Variants in IL1RAPL2 observed in about 807,000 individuals in gnomAD.
The protein encoded by IL1RAPL2 is X-linked interleukin-1 receptor accessory protein-like 2.
A neutral mutation model predicts 44.1 loss-of-function variants in IL1RAPL2; 3 were observed. The ratio of observed to expected loss-of-function variants is 0.07; its 90% CI spans 0.03 to 0.18. The LOEUF is 0.18. Among genes scored for constraint, IL1RAPL2 ranks in the 10% least tolerant of loss-of-function variants. The probability of loss-of-function intolerance (pLI) is 1.00; values close to 1 mark genes in which losing one functional copy is unlikely to be tolerated. For synonymous variants in IL1RAPL2, 181 were observed against 178.8 expected, an observed-to-expected ratio of 1.01 and a Z score of -0.10; for missense variants, 391 against 496.4, an observed-to-expected ratio of 0.79 and a Z score of 2.02.
chrX:105,359,646 G>A (rs222600), intron 5 of IL1RAPL2, among the ~76,000 whole-genome samples: 1 of 110,406 alleles, frequency 9.1e-6, no homozygotes, highest in East Asian at 2.8e-4. Flanking sequence ...AATTACACTT[G>A]CAAATGGTGG....
rs774296024 is a variant in IL1RAPL2 at position 104,852,269 on chromosome X, A to C, written c.82+193274A>C. Among the ~76,000 whole-genome samples the C allele has an allele frequency of 4.5e-5, 5 of 112,344 alleles. No homozygotes were observed. In the South Asian group the frequency reaches 1.9e-3, roughly 42 times the overall value. ...GGAAGGCAAAGGTTTTAAAAGACAG[A>C]ATGAGGAGGATTACATAATTGTCTT... is the stretch of plus-strand genomic sequence containing the variant. On this transcript the variant is annotated intron_variant, in intron 2 of 10. Coordinates refer to ENST00000372582, the MANE Select transcript of IL1RAPL2 (RefSeq NM_017416.2).
intron 2 of IL1RAPL2, among the ~76,000 whole-genome samples, chrX:105,076,583 A>G (rs1052656221): frequency 8.2e-5 from 9 of 109,529 alleles, no homozygotes; most frequent in African/African-American, 2.3e-4. Context: ...GCTGAGTTCA[A>G]CTCCTGGATA....
chrX:104,585,247 G>A lies in IL1RAPL2; in HGVS notation c.-20+18196G>A, dbSNP rs192130003. Among the ~76,000 whole-genome samples the A allele has an allele frequency of 0.011, 227 of 20,634 alleles. 9 individuals carry two copies. In the East Asian group the frequency reaches 0.16, roughly 15 times the overall value. 17.9% of individuals were successfully genotyped at this position (20,634 alleles called of 115,157 possible). A position where few individuals can be genotyped will look rare whatever the true frequency, so the allele number is the denominator to read the frequency against. On this transcript the variant is annotated intron_variant, in intron 1 of 10. Coordinates refer to ENST00000372582, the MANE Select transcript of IL1RAPL2 (RefSeq NM_017416.2). ...ATATATGTGTATATATATAATATATGATATATAATATATATATAATATATT... is the reference window on the plus strand; with the variant it reads ...ATATATGTGTATATATATAATATATAATATATAATATATATATAATATATT...
chrX:105,244,624 T>C (rs1569412252), intron 4 of IL1RAPL2, among the ~76,000 whole-genome samples: 1 of 111,740 alleles, frequency 8.9e-6, no homozygotes, highest in African/African-American at 3.3e-5. Context: ...TCCAAGAGAG[T>C]AATGGACACA....
intron 6 of IL1RAPL2, among the ~76,000 whole-genome samples, chrX:105,579,694 G>T (rs2037074759): frequency 9.0e-6 from 1 of 111,294 alleles, no homozygotes; most frequent in Non-Finnish European, 1.9e-5. Context: ...AAGAACTAAG[G>T]CCCAAAGAGT....
intron 2 of IL1RAPL2, among the ~76,000 whole-genome samples, chrX:104,766,851 T>A (rs1212845305): frequency 1.8e-5 from 2 of 112,240 alleles, no homozygotes; most frequent in Non-Finnish European, 3.8e-5. Context: ...TTTTGCTTTG[T>A]TTTTTAGTAG....
chrX:105,406,489 A>G (rs2147738093), intron 5 of IL1RAPL2: 1 of 1,201,088 alleles, frequency 8.3e-7, no homozygotes, highest in Non-Finnish European at 1.1e-6. Flanking sequence ...CCCGAAAGGA[A>G]TTTGTCCGAT....
At chrX:105,631,388 A>C (rs1163506008) in intron 6 of IL1RAPL2, among the ~76,000 whole-genome samples, 3 of 111,906 alleles carry the variant, frequency 2.7e-5, no homozygotes, top group African/African-American at 9.7e-5. Context: ...TATTTAATAG[A>C]TATAAACACC....
In IL1RAPL2 at chrX:104,949,756, T is replaced by C. The variant is rs1312807241; in HGVS notation, c.83-245719T>C. ...GAGTGACTTTCTTAATCCTGAGTTCTAGTTTGATTGCACTGTGGTCTGAGA... is the reference window on the plus strand; with the variant it reads ...GAGTGACTTTCTTAATCCTGAGTTCCAGTTTGATTGCACTGTGGTCTGAGA... On this transcript the variant is annotated intron_variant, in intron 2 of 10. Transcript: ENST00000372582. Among the ~76,000 whole-genome samples, 163 of 111,878 alleles carry C rather than the reference T, an allele frequency of 1.5e-3. 1 individual carries two copies. Among genetic ancestry groups the C allele is most frequent in the African/African-American group, 5.0e-3 (154 of 30,798 alleles).
chrX:104,590,170 G>A (rs764918961), intron 1 of IL1RAPL2, among the ~76,000 whole-genome samples: 1 of 110,812 alleles, frequency 9.0e-6, no homozygotes, highest in Non-Finnish European at 1.9e-5. Context: ...CTGGCCTCCC[G>A]AGTAGTTGGG....
At chrX:104,998,944 G>A (rs2030800936) in intron 2 of IL1RAPL2, among the ~76,000 whole-genome samples, 1 of 111,446 alleles carries the variant, frequency 9.0e-6, no homozygotes, top group Non-Finnish European at 1.9e-5. Context: ...GGGACTATAG[G>A]CATGTGCCAC....
chrX:105,146,028 G>A (rs902425903), intron 2 of IL1RAPL2, among the ~76,000 whole-genome samples: 1 of 111,398 alleles, frequency 9.0e-6, no homozygotes, highest in East Asian at 2.9e-4. Flanking sequence ...AAGACACAGT[G>A]AGAAGGCACC....
intron 2 of IL1RAPL2, among the ~76,000 whole-genome samples, chrX:105,171,034 A>G (rs1413112433): frequency 9.0e-6 from 1 of 111,528 alleles, no homozygotes; most frequent in Non-Finnish European, 1.9e-5. Context: ...GGAGTTGTTG[A>G]GCCAGCAGAC....
intron 4 of IL1RAPL2, among the ~76,000 whole-genome samples, chrX:105,253,323 G>A (rs2147648277): frequency 9.0e-6 from 1 of 110,602 alleles, no homozygotes; most frequent in East Asian, 2.9e-4. Context: ...TCTTTCCTCA[G>A]CTATGTAGTC....
chrX:105,610,110 G>GGT (rs1569458472), intron 6 of IL1RAPL2, among the ~76,000 whole-genome samples: 2 of 111,381 alleles, frequency 1.8e-5, no homozygotes, highest in South Asian at 7.6e-4. Context: ...ACCATCCGTA[G>GGT]GTGTAACAGC....
At chrX:104,991,122 T>C (rs887876706) in intron 2 of IL1RAPL2, among the ~76,000 whole-genome samples, 1 of 111,617 alleles carries the variant, frequency 9.0e-6, no homozygotes, top group Non-Finnish European at 1.9e-5. Flanking sequence ...TTACTACTCA[T>C]ATACCTCCTT....
chrX:104,921,177 A>C (rs1924627709), intron 2 of IL1RAPL2, among the ~76,000 whole-genome samples: 1 of 111,538 alleles, frequency 9.0e-6, no homozygotes, highest in Non-Finnish European at 1.9e-5. Flanking sequence ...CTTGAACCCT[A>C]GTAGAGCCCA....
intron 5 of IL1RAPL2, among the ~76,000 whole-genome samples, chrX:105,347,118 T>C (rs1021704961): frequency 8.9e-6 from 1 of 112,077 alleles, no homozygotes; most frequent in Non-Finnish European, 1.9e-5. Flanking sequence ...GTCATTTTAT[T>C]CCTCAAACTC....
chrX:105,257,865 G>C (rs2034327885), intron 4 of IL1RAPL2, among the ~76,000 whole-genome samples: 1 of 111,518 alleles, frequency 9.0e-6, no homozygotes, highest in African/African-American at 3.3e-5. Context: ...ATACAATTGG[G>C]TCTTGCGTTT....
Sources: gnomAD v4.1 joint callset for allele counts (sites outside exome capture counted in the v4.1 genomes callset) on GRCh38, gnomAD v4.1.1 for gene constraint, MANE v1.5 for transcripts, NCBI Gene and HGNC (gene_info 2026-07-23, HGNC 2026-07-21) for gene names.